The following LSM1 variants were observed in gnomAD, a reference collection of about 807,000 sequenced individuals.
LSM1 encodes the protein U6 snRNA-associated Sm-like protein LSm1.
In LSM1, 13 loss-of-function variants were observed where a neutral mutation model predicts 18.0. The observed-to-expected ratio is 0.72, with a 90% CI of 0.47 to 1.15. The LOEUF is 1.15. Ranked by LOEUF, LSM1 falls within the 50% of genes most tolerant of loss-of-function variation. The pLI, the probability that LSM1 is intolerant of heterozygous loss-of-function variation, is 0.00. For synonymous variants in LSM1, 46 were observed against 56.0 expected (o/e 0.82, Z 0.80); for missense variants, 152 against 157.7 (o/e 0.96, Z 0.19).
intron 1 of LSM1, among the ~76,000 whole-genome samples, chr8:38,173,242 A>G (rs1026320123): frequency 1.3e-5 from 2 of 152,182 alleles, no homozygotes; most frequent in African/African-American, 4.8e-5. Context: ...TTGCGCTATA[A>G]ATAAGTACCA....
chr8:38,165,574 G>C (rs1326376142), intron 3 of LSM1, among the ~76,000 whole-genome samples: 1 of 151,376 alleles, frequency 6.6e-6, no homozygotes, highest in Non-Finnish European at 1.5e-5. Flanking sequence ...GCTCACACTT[G>C]TAATCCCAGC....
intron 3 of LSM1, among the ~76,000 whole-genome samples, chr8:38,167,398 G>GT (rs1358147408): frequency 6.6e-6 from 1 of 152,184 alleles, no homozygotes; most frequent in Non-Finnish European, 1.5e-5. Context: ...TTGGAGTGCA[G>GT]TGGTACAATC....
At chr8:38,173,561 T>C (rs1803066419) in intron 1 of LSM1, among the ~76,000 whole-genome samples, 1 of 152,178 alleles carries the variant, frequency 6.6e-6, no homozygotes, top group Non-Finnish European at 1.5e-5. Context: ...GGAGTCTGTT[T>C]ACTGAGTTTG....
At chr8:38,171,361 A>G (rs1461677451) in intron 2 of LSM1, among the ~76,000 whole-genome samples, 3 of 152,210 alleles carry the variant, frequency 2.0e-5, no homozygotes, top group African/African-American at 7.2e-5. Flanking sequence ...CCTTCAAACC[A>G]GCTGACTCAC....
rs1437686748 is a variant in LSM1 at position 38,163,831 on chromosome 8, T to C, written c.241A>G (p.Lys81Glu). Residue 81 changes from lysine (K) to glutamate (E), a missense_variant, in exon 4 of 4, where the codon AAG becomes GAG. Physicochemically the swap from Lys to Glu is moderately conservative, Grantham distance 56. Transcript: ENST00000311351. ...VVLLGEIDLE[K>E]ESDTPLQQVS... is the part of the protein sequence containing the mutation. Reference sequence around the variant, plus strand: ...TGCTGGAGGGGTGTGTCACTCTCCTTTTCCAAGTCCTACAAAAGAGACAGG... The same window carrying C: ...TGCTGGAGGGGTGTGTCACTCTCCTCTTCCAAGTCCTACAAAAGAGACAGG... 1 of 1,614,068 alleles carries C rather than the reference T, an allele frequency of 6.2e-7. No homozygotes were observed. The highest frequency in any genetic ancestry group is 1.1e-5 in the South Asian group (1 of 91,078).
At chr8:38,175,988 G>T in intron 1 of LSM1, 2 of 344,792 alleles carry the variant, frequency 5.8e-6, no homozygotes, top group Non-Finnish European at 1.1e-5. Flanking sequence ...TTTCGTGTTC[G>T]GGCCTCTGCT....
chr8:38,171,495 C>G (rs1292097520), intron 2 of LSM1, among the ~76,000 whole-genome samples: 1 of 152,246 alleles, frequency 6.6e-6, no homozygotes, highest in East Asian at 1.9e-4. Flanking sequence ...GGCGAAACCC[C>G]GTCTCTACTA....
chr8:38,176,667 C>G, upstream of LSM1: 1 of 611,836 alleles, frequency 1.6e-6, no homozygotes, highest in South Asian at 2.6e-5. Flanking sequence ...TCCTTCGTCT[C>G]CGGGTTCCCG....
intron 3 of LSM1, among the ~76,000 whole-genome samples, chr8:38,168,690 TTA>T (rs1394273379): frequency 1.3e-5 from 2 of 151,788 alleles, no homozygotes; most frequent in East Asian, 3.9e-4. Context: ...CAAAAATATT[TTA>T]TAAGAAAAAT....
chr8:38,167,313 C>T (rs1386698541), intron 3 of LSM1, among the ~76,000 whole-genome samples: 2 of 152,208 alleles, frequency 1.3e-5, no homozygotes, highest in Non-Finnish European at 2.9e-5. Context: ...AGCATGTCTG[C>T]TATGTTTACT....
chr8:38,171,454 G>A (rs1291622341), intron 2 of LSM1, among the ~76,000 whole-genome samples: 1 of 152,194 alleles, frequency 6.6e-6, no homozygotes, highest in Non-Finnish European at 1.5e-5. Flanking sequence ...ATCACCTAAG[G>A]TCAGGAGTTT....
At chr8:38,170,684 C>T (rs150930487) in intron 2 of LSM1, among the ~76,000 whole-genome samples, 65 of 152,258 alleles carry the variant, frequency 4.3e-4, no homozygotes, top group African/African-American at 1.5e-3. Context: ...TTTGACCCAA[C>T]GCAGGTATCC....
intron 2 of LSM1, chr8:38,170,933 T>G: frequency 2.7e-6 from 1 of 376,066 alleles, no homozygotes; most frequent in Non-Finnish European, 5.5e-6. Context: ...CTTTTAAGTG[T>G]TTTAATTACG....
At chr8:38,165,752 G>T (rs1802917215) in intron 3 of LSM1, among the ~76,000 whole-genome samples, 1 of 151,504 alleles carries the variant, frequency 6.6e-6, no homozygotes, top group African/African-American at 2.4e-5. Flanking sequence ...GTGGTAACGT[G>T]TACCTATAGT....
chr8:38,163,919 C>G, intron 3 of LSM1, 79 bp from the exon 4 acceptor site: 1 of 1,206,398 alleles, frequency 8.3e-7, no homozygotes, highest in Non-Finnish European at 1.2e-6. Context: ...ATGGATTCCT[C>G]TATCAGGCTC....
At chr8:38,168,711 G>T (rs1004994204) in intron 3 of LSM1, among the ~76,000 whole-genome samples, 4 of 151,258 alleles carry the variant, frequency 2.6e-5, no homozygotes, top group Non-Finnish European at 5.9e-5. Context: ...ATTTTTATAA[G>T]TATTACTTAT....
chr8:38,165,697 A>G (rs890960666), intron 3 of LSM1, among the ~76,000 whole-genome samples: 1 of 150,378 alleles, frequency 6.6e-6, no homozygotes, highest in Non-Finnish European at 1.5e-5. Flanking sequence ...ACTCTGTCTC[A>G]AAAGGAAAAA....
At chr8:38,167,272 G>GT (rs774683277) in intron 3 of LSM1, among the ~76,000 whole-genome samples, 1 of 152,206 alleles carries the variant, frequency 6.6e-6, no homozygotes, top group Non-Finnish European at 1.5e-5. Flanking sequence ...CTACTTAGAT[G>GT]TAACTTTGTG....
In LSM1 at chr8:38,167,631, A is replaced by G. The variant is rs112665070; in HGVS notation, c.231+2171T>C. ...TGGGATTACAGACGTGAGCCACTGC[A>G]CCCACCCCAGTATTTTAACTTAAGT... On this transcript the variant is annotated intron_variant, in intron 3 of 3. Transcript: ENST00000311351. 9.5e-3 allele frequency among the ~76,000 whole-genome samples: 1,452 copies of G among 152,156 alleles called. 10 individuals are homozygous for G. Among genetic ancestry groups the G allele is most frequent in the Non-Finnish European group, 0.017 (1,135 of 67,978 alleles).
Sources: allele counts gnomAD v4.1 joint callset (sites outside exome capture counted in the v4.1 genomes callset), GRCh38; gene constraint gnomAD v4.1.1; transcripts MANE v1.5; gene names NCBI Gene and HGNC (gene_info 2026-07-23, HGNC 2026-07-21).